The following MACROD2 variants were observed in gnomAD, a reference collection of about 807,000 sequenced individuals.
MACROD2 encodes mono-ADP ribosylhydrolase 2.
A neutral mutation model predicts 70.4 loss-of-function variants in MACROD2; 36 were observed. That is an observed-to-expected ratio of 0.51 (90% CI 0.39 to 0.68). The LOEUF (loss-of-function observed/expected upper bound fraction) is 0.68. Among genes scored for constraint, MACROD2 ranks in the 30% least tolerant of loss-of-function variants. The probability of loss-of-function intolerance (pLI) is 0.00; values close to 1 mark genes in which losing one functional copy is unlikely to be tolerated. For missense variants in MACROD2, 496 were observed against 538.4 expected, an observed-to-expected ratio of 0.92 and a Z score of 0.78; for synonymous variants, 172 against 178.8, an observed-to-expected ratio of 0.96 and a Z score of 0.30.
chr20:15,600,820 A>T (rs1448121828), intron 8 of MACROD2, among the ~76,000 whole-genome samples: 1 of 152,218 alleles, frequency 6.6e-6, no homozygotes, highest in African/African-American at 2.4e-5. Context: ...CTTACAGATA[A>T]ACACAGGAGC....
At chr20:14,505,255 GTA>G (rs1476006063) in intron 4 of MACROD2, among the ~76,000 whole-genome samples, 1 of 152,190 alleles carries the variant, frequency 6.6e-6, no homozygotes, top group Non-Finnish European at 1.5e-5. Context: ...AGTATGTACA[GTA>G]TATAGCTTTG....
chr20:14,519,370 C>T (rs2085139392), intron 4 of MACROD2, among the ~76,000 whole-genome samples: 1 of 151,946 alleles, frequency 6.6e-6, no homozygotes, highest in Admixed American at 6.6e-5. Flanking sequence ...GTTTTTAGAA[C>T]CTAGAACACC....
At chr20:14,601,469 C>T (rs1982493279) in intron 4 of MACROD2, among the ~76,000 whole-genome samples, 1 of 151,800 alleles carries the variant, frequency 6.6e-6, no homozygotes, top group African/African-American at 2.4e-5. Flanking sequence ...GGTTGGGGAC[C>T]CCTGGTATAG....
chr20:14,377,681 A>G (rs536166739), intron 3 of MACROD2, among the ~76,000 whole-genome samples: 1 of 152,358 alleles, frequency 6.6e-6, no homozygotes, highest in South Asian at 2.1e-4. Flanking sequence ...GGATTTGGCT[A>G]GAATTGTTCA....
At chr20:14,476,647 A>G (rs991061743) in intron 3 of MACROD2, among the ~76,000 whole-genome samples, 1 of 152,174 alleles carries the variant, frequency 6.6e-6, no homozygotes, top group African/African-American at 2.4e-5. Flanking sequence ...GTGAGCCACC[A>G]TGCCCGGCGT....
intron 4 of MACROD2, among the ~76,000 whole-genome samples, chr20:14,650,509 T>C (rs1677052652): frequency 6.6e-6 from 1 of 152,214 alleles, no homozygotes. Flanking sequence ...TCTTCTCCAT[T>C]GGAGGTTAGA....
At chr20:14,741,883 GA>G (rs975784626) in intron 5 of MACROD2, among the ~76,000 whole-genome samples, 39 of 151,792 alleles carry the variant, frequency 2.6e-4, no homozygotes, top group Non-Finnish European at 5.0e-4. Flanking sequence ...TTTTAGGCAA[GA>G]AAAAAATGCA....
intron 15 of MACROD2, among the ~76,000 whole-genome samples, chr20:16,024,704 C>G (rs1568717579): frequency 1.3e-5 from 2 of 152,224 alleles, no homozygotes; most frequent in African/African-American, 2.4e-5. Flanking sequence ...AACCAGGAAG[C>G]TGAAAATTGA....
At chr20:15,069,149 C>T (rs1199014721) in intron 5 of MACROD2, among the ~76,000 whole-genome samples, 1 of 152,100 alleles carries the variant, frequency 6.6e-6, no homozygotes, top group African/African-American at 2.4e-5. Flanking sequence ...GAAGGTGAAA[C>T]TTAAGAGTGA....
chr20:15,959,263 C>T (rs566518399), intron 12 of MACROD2, among the ~76,000 whole-genome samples: 11 of 152,286 alleles, frequency 7.2e-5, no homozygotes, highest in African/African-American at 2.6e-4. Context: ...TACCTCTGTA[C>T]ACCCTATTTC....
At chr20:15,971,155 T>C (rs1235203994) in intron 13 of MACROD2, among the ~76,000 whole-genome samples, 1 of 152,222 alleles carries the variant, frequency 6.6e-6, no homozygotes, top group Non-Finnish European at 1.5e-5. Context: ...CTTGTATCTT[T>C]GAAAAGGATC....
chr20:15,869,238 T>TATATATAGAGAG, intron 9 of MACROD2, among the ~76,000 whole-genome samples: 120 of 28,280 alleles, frequency 4.2e-3, no homozygotes, highest in Non-Finnish European at 6.4e-3. Context: ...TATATATATA[T>TATATATAGAGAG]AGAGAGAGAG....
chr20:14,584,344 TTTAG>T (rs1401846197), intron 4 of MACROD2, among the ~76,000 whole-genome samples: 1 of 152,144 alleles, frequency 6.6e-6, no homozygotes, highest in Admixed American at 6.5e-5. Flanking sequence ...TGGGCTGTGT[TTTAG>T]TTAGGGTTGC....
intron 5 of MACROD2, among the ~76,000 whole-genome samples, chr20:14,687,817 A>T (rs2071019487): frequency 6.6e-6 from 1 of 152,182 alleles, no homozygotes; most frequent in African/African-American, 2.4e-5. Context: ...CTTCCTATAT[A>T]TTTAAAAGGT....
chr20:15,288,175 T>A (rs538920857), intron 6 of MACROD2, among the ~76,000 whole-genome samples: 16 of 152,194 alleles, frequency 1.1e-4, no homozygotes, highest in Non-Finnish European at 2.1e-4. Context: ...ACTATGTTGG[T>A]TGACATAGTT....
chr20:15,372,511 A>G (rs2045507377), intron 6 of MACROD2, among the ~76,000 whole-genome samples: 1 of 152,038 alleles, frequency 6.6e-6, no homozygotes, highest in Non-Finnish European at 1.5e-5. Context: ...TCTTTCTGTG[A>G]ATTGCCTTTG....
chr20:15,713,157 A>G (rs1281510690), intron 8 of MACROD2, among the ~76,000 whole-genome samples: 2 of 152,244 alleles, frequency 1.3e-5, no homozygotes, highest in African/African-American at 2.4e-5. Context: ...TTAAAAATAT[A>G]TGGTGCTGAC....
At chr20:15,208,152 T>C (rs1331001709) in intron 5 of MACROD2, among the ~76,000 whole-genome samples, 34 of 152,180 alleles carry the variant, frequency 2.2e-4, no homozygotes, top group African/African-American at 2.4e-5. Flanking sequence ...ATAATTTCTA[T>C]TGTCCTGTCT....
intron 5 of MACROD2, among the ~76,000 whole-genome samples, chr20:15,147,587 T>C (rs531814663): frequency 1.3e-5 from 2 of 152,348 alleles, no homozygotes; most frequent in South Asian, 4.1e-4. Flanking sequence ...TATTATGCTA[T>C]TTTTTAATAG....
Sources: gnomAD v4.1 joint callset for allele counts (sites outside exome capture counted in the v4.1 genomes callset) on GRCh38, gnomAD v4.1.1 for gene constraint, MANE v1.5 for transcripts, NCBI Gene and HGNC (gene_info 2026-07-23, HGNC 2026-07-21) for gene names.